The following ATRNL1 variants were observed in gnomAD, a reference collection of about 807,000 sequenced individuals.
ATRNL1 encodes the protein attractin like 1.
A neutral mutation model predicts 182.7 loss-of-function variants in ATRNL1; 95 were observed. The observed-to-expected ratio is 0.52, with a 90% CI of 0.44 to 0.62. The LOEUF (loss-of-function observed/expected upper bound fraction) is 0.62. Among genes scored for constraint, ATRNL1 ranks in the 20% least tolerant of loss-of-function variants. The probability of loss-of-function intolerance (pLI) is 0.00; values close to 1 mark genes in which losing one functional copy is unlikely to be tolerated. For missense variants in ATRNL1, 1,471 were observed against 1,679.5 expected (o/e 0.88, Z 2.17); for synonymous variants, 576 against 568.3 (o/e 1.01, Z -0.19).
At chr10:115,871,467 CTTTG>C (rs1951579071) in intron 28 of ATRNL1, among the ~76,000 whole-genome samples, 5 of 16,574 alleles carry the variant, frequency 3.0e-4, no homozygotes, top group African/African-American at 4.3e-4. Context: ...TGGTCAGATT[CTTTG>C]TGTGTGTGTA....
At chr10:115,847,483 A>G (rs1307294111) in intron 27 of ATRNL1, among the ~76,000 whole-genome samples, 4 of 152,168 alleles carry the variant, frequency 2.6e-5, no homozygotes, top group Non-Finnish European at 5.9e-5. Context: ...ATGTATATGT[A>G]TATCAAAACA....
At chr10:115,209,568 T>C (rs1554894548) in intron 8 of ATRNL1, among the ~76,000 whole-genome samples, 1 of 151,702 alleles carries the variant, frequency 6.6e-6, no homozygotes, top group African/African-American at 2.4e-5. Flanking sequence ...AGTTCATGTA[T>C]TCATGCATCT....
At chr10:115,094,696 G>A (rs61880775) in intron 1 of ATRNL1, among the ~76,000 whole-genome samples, 197 of 152,228 alleles carry the variant, frequency 1.3e-3, no homozygotes, top group Non-Finnish European at 1.9e-3. Flanking sequence ...AAATCGAGGC[G>A]ATACATTGAA....
At chr10:115,841,732 A>C (rs1950813587) in intron 27 of ATRNL1, among the ~76,000 whole-genome samples, 1 of 152,106 alleles carries the variant, frequency 6.6e-6, no homozygotes, top group African/African-American at 2.4e-5. Flanking sequence ...CATTTCATGC[A>C]AAGCAAAAAG....
chr10:115,945,722 C>T lies in ATRNL1; in HGVS notation c.*943C>T, dbSNP rs782119119. 3 of 152,148 alleles carry T rather than the reference C, an allele frequency of 2.0e-5. No homozygotes were observed. Among genetic ancestry groups the T allele is most frequent in the Non-Finnish European group, 4.4e-5 (3 of 68,030 alleles). 9.4% of individuals were successfully genotyped at this position (152,148 alleles called of 1,614,324 possible). On this transcript the variant is annotated 3_prime_UTR_variant, in exon 29 of 29. Transcript: ENST00000355044. ...TCTCCTAGCTGCTAGATTTTAACTA[C>T]CTTTTACAAATGTTACAAAATGTAT...
chr10:115,317,784 G>A (rs1204721966), intron 18 of ATRNL1, among the ~76,000 whole-genome samples: 3 of 152,166 alleles, frequency 2.0e-5, no homozygotes, highest in African/African-American at 4.8e-5. Flanking sequence ...ATCAGTTTAA[G>A]TAGTTTTTGG....
intron 24 of ATRNL1, among the ~76,000 whole-genome samples, chr10:115,470,342 A>G (rs967387074): frequency 5.3e-5 from 8 of 150,488 alleles, no homozygotes; most frequent in Non-Finnish European, 1.2e-4. Context: ...AATTAATTTG[A>G]GAAATTTACT....
intron 20 of ATRNL1, among the ~76,000 whole-genome samples, chr10:115,395,138 A>T (rs1188002743): frequency 6.6e-6 from 1 of 151,708 alleles, no homozygotes; most frequent in African/African-American, 2.4e-5. Flanking sequence ...TTCTGTTCCT[A>T]TGTTAATTTG....
chr10:115,332,623 A>G (rs1328886578), intron 18 of ATRNL1, among the ~76,000 whole-genome samples: 1 of 152,170 alleles, frequency 6.6e-6, no homozygotes, highest in Non-Finnish European at 1.5e-5. Flanking sequence ...ATTTTTTCAT[A>G]ACTGCATATT....
chr10:115,640,904 A>G (rs1052773976), intron 26 of ATRNL1, among the ~76,000 whole-genome samples: 13 of 152,022 alleles, frequency 8.6e-5, no homozygotes, highest in Non-Finnish European at 1.9e-4. Context: ...TATGGTTTTA[A>G]GTTTTACATT....
At chr10:115,547,007 A>T (rs138360862) in intron 25 of ATRNL1, among the ~76,000 whole-genome samples, 17 of 152,188 alleles carry the variant, frequency 1.1e-4, no homozygotes, top group African/African-American at 3.6e-4. Flanking sequence ...TAATTTCAGC[A>T]CTTTGGAAGG....
At chr10:115,439,859 A>C (rs921296667) in intron 21 of ATRNL1, among the ~76,000 whole-genome samples, 1 of 151,890 alleles carries the variant, frequency 6.6e-6, no homozygotes, top group Non-Finnish European at 1.5e-5. Flanking sequence ...GGAAAAGGCA[A>C]CTTTTACCAT....
intron 27 of ATRNL1, among the ~76,000 whole-genome samples, chr10:115,743,148 C>T (rs1424901896): frequency 4.7e-5 from 7 of 148,750 alleles, no homozygotes; most frequent in African/African-American, 1.7e-4. Flanking sequence ...CTTCCCAGGA[C>T]ACCACACATG....
At chr10:115,300,367 C>T (rs926952089) in intron 16 of ATRNL1, 120 bp downstream of exon 16, 3 of 699,030 alleles carry the variant, frequency 4.3e-6, no homozygotes, top group African/African-American at 3.6e-5. Context: ...TTTTTATACA[C>T]ATTCTTCCCC....
At chr10:115,868,127 A>T (rs561554951) in intron 28 of ATRNL1, among the ~76,000 whole-genome samples, 1 of 152,268 alleles carries the variant, frequency 6.6e-6, no homozygotes, top group African/African-American at 2.4e-5. Flanking sequence ...CCTTTTCAAG[A>T]CTGTTACCTT....
chr10:115,348,555 CTAAAT>C (rs1417417430), intron 19 of ATRNL1, among the ~76,000 whole-genome samples: 7 of 151,960 alleles, frequency 4.6e-5, no homozygotes, highest in African/African-American at 1.7e-4. Flanking sequence ...GTAAAAGAAA[CTAAAT>C]TAATATTTAG....
chr10:115,830,592 G>A (rs1286536231), intron 27 of ATRNL1, among the ~76,000 whole-genome samples: 1 of 152,116 alleles, frequency 6.6e-6, no homozygotes, highest in Non-Finnish European at 1.5e-5. Flanking sequence ...AGTGTGTTCA[G>A]ATGTAGATCC....
chr10:115,646,066 C>CACACACACAA (rs1346743788), intron 26 of ATRNL1, among the ~76,000 whole-genome samples: 11 of 151,488 alleles, frequency 7.3e-5, no homozygotes, highest in Admixed American at 2.0e-4. Context: ...CACACACACA[C>CACACACACAA]ACAAACATAT....
intron 1 of ATRNL1, among the ~76,000 whole-genome samples, chr10:115,095,934 T>A (rs1362813907): frequency 6.6e-6 from 1 of 152,186 alleles, no homozygotes; most frequent in Non-Finnish European, 1.5e-5. Flanking sequence ...TTTGCTGCAG[T>A]CCTGAGAAGC....
Sources: allele counts gnomAD v4.1 joint callset (sites outside exome capture counted in the v4.1 genomes callset), GRCh38; gene constraint gnomAD v4.1.1; transcripts MANE v1.5; gene names NCBI Gene and HGNC (gene_info 2026-07-23, HGNC 2026-07-21).